SETBP1: variants seen among roughly 807,000 people sequenced by gnomAD.
The protein encoded by SETBP1 is SET-binding protein.
SETBP1 carries 9 observed loss-of-function variants against 101.0 expected under a neutral mutation model. The observed-to-expected ratio is 0.09, with a 90% CI of 0.05 to 0.16. The LOEUF (loss-of-function observed/expected upper bound fraction) is 0.16. Among genes scored for constraint, SETBP1 ranks in the 10% least tolerant of loss-of-function variants. SETBP1 has a pLI of 1.00. For synonymous variants in SETBP1, 818 were observed against 788.5 expected (o/e 1.04, Z -0.63); for missense variants, 1,858 against 2,033.8 (o/e 0.91, Z 1.66).
intron 2 of SETBP1, among the ~76,000 whole-genome samples, chr18:44,779,923 C>T (rs2071088437): frequency 6.6e-6 from 1 of 151,766 alleles, no homozygotes; most frequent in Non-Finnish European, 1.5e-5. Flanking sequence ...CACACACACA[C>T]ACACACGCAC....
intron 2 of SETBP1, among the ~76,000 whole-genome samples, chr18:44,841,992 C>A (rs1443007449): frequency 6.6e-6 from 1 of 152,204 alleles, no homozygotes; most frequent in Non-Finnish European, 1.5e-5. Flanking sequence ...TTGATAAAAG[C>A]CATTTAAAGC....
intron 4 of SETBP1, among the ~76,000 whole-genome samples, chr18:45,023,141 T>C (rs4890502): frequency 0.051 from 7,802 of 152,354 alleles, 228 homozygotes; most frequent in South Asian, 0.095. Context: ...GTTACTTTTA[T>C]TGTGGTATCT....
At chr18:44,875,527 CAAAAAAAAAAAAA>C (rs10645515) in intron 3 of SETBP1, among the ~76,000 whole-genome samples, 2 of 61,610 alleles carry the variant, frequency 3.2e-5, no homozygotes, top group African/African-American at 7.3e-5. Flanking sequence ...GACTCCATCT[CAAAAAAAAAAAAA>C]AAAAAAAAAA....
chr18:44,787,417 T>C (rs561198227), intron 2 of SETBP1, among the ~76,000 whole-genome samples: 60 of 152,266 alleles, frequency 3.9e-4, no homozygotes, highest in African/African-American at 1.4e-3. Context: ...AATACAAAAC[T>C]GAATGAACTA....
chr18:44,820,779 C>T (rs1360118509), intron 2 of SETBP1, among the ~76,000 whole-genome samples: 3 of 152,168 alleles, frequency 2.0e-5, no homozygotes, highest in African/African-American at 7.2e-5. Context: ...GTGCCTGGCA[C>T]ATGGAAATTG....
intron 2 of SETBP1, among the ~76,000 whole-genome samples, chr18:44,754,569 G>A (rs1186326527): frequency 1.3e-5 from 2 of 152,160 alleles, no homozygotes; most frequent in African/African-American, 2.4e-5. Flanking sequence ...TTCTTATAGA[G>A]AAGTCCCTTT....
At chr18:44,748,124 C>A (rs535456038) in intron 2 of SETBP1, among the ~76,000 whole-genome samples, 4 of 152,072 alleles carry the variant, frequency 2.6e-5, no homozygotes, top group Admixed American at 2.6e-4. Context: ...CCTCCTGCTC[C>A]CCTCCCACTA....
intron 4 of SETBP1, among the ~76,000 whole-genome samples, chr18:44,990,270 G>GA (rs1292949325): frequency 2.0e-5 from 3 of 151,998 alleles, no homozygotes; most frequent in Non-Finnish European, 4.4e-5. Flanking sequence ...AAAAATAATA[G>GA]AAAAAAATGT....
chr18:44,952,756 G>A lies in SETBP1; in HGVS notation c.3416G>A (p.Ser1139Asn). 1 of 1,614,120 alleles carries A rather than the reference G, an allele frequency of 6.2e-7. No homozygotes were observed. The highest frequency in any genetic ancestry group is 8.5e-7 in the Non-Finnish European group (1 of 1,180,024). ...QPSLNPPKVG[S>N]ASLSSGRLHK... is the part of the protein sequence containing the mutation. ...TCTCTGAACCCTCCCAAGGTAGGCA[G>A]TGCCAGTCTGTCCAGTGGTCGGCTC... The change falls in exon 4 of 6, where the codon AGT becomes AAT. Residue 1139 changes from serine (S) to asparagine (N), a missense_variant. By Grantham distance (46) the Ser-to-Asn change is conservative. Coordinates refer to ENST00000649279, the MANE Select transcript of SETBP1 (RefSeq NM_015559.3).
chr18:44,777,153 CAA>C (rs892697169), intron 2 of SETBP1, among the ~76,000 whole-genome samples: 1 of 151,898 alleles, frequency 6.6e-6, no homozygotes, highest in Non-Finnish European at 1.5e-5. Context: ...CCCGTGTCTA[CAA>C]AAAATTAAAA....
intron 4 of SETBP1, among the ~76,000 whole-genome samples, chr18:45,020,848 G>A (rs576281546): frequency 2.0e-5 from 3 of 152,310 alleles, no homozygotes; most frequent in African/African-American, 7.2e-5. Context: ...CCAGACATCA[G>A]TGCAATGTGC....
rs373862028 is a variant in SETBP1, at chr18:44,863,713, TG to T, written c.487-5514del. 3.8e-3 allele frequency among the ~76,000 whole-genome samples: 582 copies of T among 152,270 alleles called. 5 individuals are homozygous for T. The highest frequency in any genetic ancestry group is 0.013 in the African/African-American group (553 of 41,566). On this transcript the variant is annotated intron_variant, in intron 2 of 5. Coordinates refer to ENST00000649279, the MANE Select transcript of SETBP1 (RefSeq NM_015559.3). ...GTACCTTTGAGGGTAAATTTGAAAA[TG>T]GGTCATTTGTTCTCGCCAAAGCCAT... is the stretch of plus-strand genomic sequence containing the variant.
intron 2 of SETBP1, among the ~76,000 whole-genome samples, chr18:44,760,214 C>G (rs892726857): frequency 6.6e-6 from 1 of 152,226 alleles, no homozygotes; most frequent in Non-Finnish European, 1.5e-5. Context: ...TCACCTTTAA[C>G]TTCTCACTAC....
At chr18:44,680,688 A>C (rs1370286595), upstream of SETBP1, among the ~76,000 whole-genome samples, 2 of 151,972 alleles carry the variant, frequency 1.3e-5, no homozygotes, top group Non-Finnish European at 2.9e-5. Context: ...CGATGGTGGA[A>C]GCTTTGGGCT....
At chr18:44,907,424 T>G (rs545966231) in intron 3 of SETBP1, among the ~76,000 whole-genome samples, 4 of 152,290 alleles carry the variant, frequency 2.6e-5, no homozygotes, top group Admixed American at 2.6e-4. Flanking sequence ...TTTGAAAAAA[T>G]TTCCAAACTG....
intron 3 of SETBP1, among the ~76,000 whole-genome samples, chr18:44,914,215 G>A (rs2070378155): frequency 6.6e-6 from 1 of 152,184 alleles, no homozygotes; most frequent in South Asian, 2.1e-4. Context: ...GCAGTGTCGT[G>A]AGTTACCTGG....
chr18:45,021,162 C>T (rs2073057051), intron 4 of SETBP1, among the ~76,000 whole-genome samples: 1 of 152,198 alleles, frequency 6.6e-6, no homozygotes, highest in Non-Finnish European at 1.5e-5. Context: ...TATCACAACA[C>T]ATATCAATTC....
intron 1 of SETBP1, among the ~76,000 whole-genome samples, chr18:44,685,407 G>T (rs138706574): frequency 3.3e-5 from 5 of 152,216 alleles, no homozygotes; most frequent in African/African-American, 1.2e-4. Context: ...TTTTATCTCC[G>T]TTTAGAGGAT....
At chr18:44,874,478 G>T (rs1239559887) in intron 3 of SETBP1, among the ~76,000 whole-genome samples, 1 of 152,176 alleles carries the variant, frequency 6.6e-6, no homozygotes, top group Non-Finnish European at 1.5e-5. Context: ...CACTCAGCCT[G>T]TGCTGTTGGT....
Sources: allele counts gnomAD v4.1 joint callset (sites outside exome capture counted in the v4.1 genomes callset), GRCh38; gene constraint gnomAD v4.1.1; transcripts MANE v1.5; gene names NCBI Gene and HGNC (gene_info 2026-07-23, HGNC 2026-07-21).